Variants in SEL1L observed in about 807,000 individuals in gnomAD.
The protein encoded by SEL1L is protein sel-1 homolog 1.
Under a neutral mutation model 109.8 loss-of-function variants are expected in SEL1L, and 52 were observed. That is an observed-to-expected ratio of 0.47 (90% CI 0.38 to 0.60). The LOEUF (loss-of-function observed/expected upper bound fraction) is 0.60. Among genes scored for constraint, SEL1L ranks in the 20% least tolerant of loss-of-function variants. The pLI is 0.00. For missense variants in SEL1L, 749 were observed against 962.2 expected (o/e 0.78, Z 2.93); for synonymous variants, 373 against 339.6 (o/e 1.10, Z -1.08).
At chr14:81,508,366 T>C (rs1884325416) in intron 3 of SEL1L, among the ~76,000 whole-genome samples, 1 of 152,034 alleles carries the variant, frequency 6.6e-6, no homozygotes, top group Admixed American at 6.6e-5. Context: ...AGCAACAACT[T>C]CAGAGGAGTC....
At chr14:81,529,943 C>G (rs937683923) in intron 1 of SEL1L, among the ~76,000 whole-genome samples, 6 of 152,120 alleles carry the variant, frequency 3.9e-5, no homozygotes, top group Non-Finnish European at 5.9e-5. Context: ...TATCAAGCAA[C>G]AAGAAAAAAA....
At chr14:81,477,303 A>ATGTATGTG in intron 20 of SEL1L, 122 bp from the exon 21 acceptor site, 1 of 540,552 alleles carries the variant, frequency 1.8e-6, no homozygotes, top group Non-Finnish European at 3.3e-6. Context: ...ACGTTTTGCA[A>ATGTATGTG]TGTGTGTGTG....
chr14:81,485,236 T>C (rs1903481112), intron 18 of SEL1L, among the ~76,000 whole-genome samples: 1 of 152,154 alleles, frequency 6.6e-6, no homozygotes, highest in South Asian at 2.1e-4. Context: ...TAAATACCAA[T>C]AATATGCAAA....
chr14:81,526,422 A>G (rs990787184), intron 3 of SEL1L, among the ~76,000 whole-genome samples: 6 of 152,184 alleles, frequency 3.9e-5, no homozygotes, highest in African/African-American at 7.2e-5. Flanking sequence ...CTACCCTGAC[A>G]TATTATTTTT....
chr14:81,528,195 G>A (rs58708216), intron 1 of SEL1L, among the ~76,000 whole-genome samples: 11,349 of 152,098 alleles, frequency 0.075, 1,377 homozygotes, highest in African/African-American at 0.25. Context: ...ATTAGTATTT[G>A]TATTGTTTAC....
intron 1 of SEL1L, among the ~76,000 whole-genome samples, chr14:81,531,028 C>T (rs1255304221): frequency 1.3e-5 from 2 of 152,178 alleles, no homozygotes; most frequent in Non-Finnish European, 2.9e-5. Flanking sequence ...ATAAATGGAA[C>T]TTGCAGGATT....
intron 3 of SEL1L, among the ~76,000 whole-genome samples, chr14:81,521,138 T>G (rs1457851376): frequency 6.6e-6 from 1 of 152,196 alleles, no homozygotes; most frequent in African/African-American, 2.4e-5. Flanking sequence ...CTGTAATATT[T>G]AATTTGAACT....
intron 3 of SEL1L, among the ~76,000 whole-genome samples, chr14:81,520,667 T>C (rs1018914816): frequency 3.3e-5 from 5 of 152,238 alleles, no homozygotes; most frequent in Non-Finnish European, 5.9e-5. Context: ...CTTAGAAATA[T>C]GGTAAAGAGA....
At chr14:81,503,212 G>A (rs549012826) in intron 5 of SEL1L, among the ~76,000 whole-genome samples, 48 of 152,192 alleles carry the variant, frequency 3.2e-4, no homozygotes, top group African/African-American at 1.2e-3. Context: ...GGCTGATCTC[G>A]AACTCCTGGT....
intron 10 of SEL1L, 90 bp from the exon 11 acceptor site, chr14:81,495,227 A>T: frequency 8.4e-7 from 1 of 1,184,524 alleles, no homozygotes; most frequent in South Asian, 1.3e-5. Flanking sequence ...TGGTCGTAAA[A>T]TGGCTTCTGT....
chr14:81,508,679 C>T (rs1334197014), intron 3 of SEL1L, among the ~76,000 whole-genome samples: 2 of 151,980 alleles, frequency 1.3e-5, no homozygotes, highest in Non-Finnish European at 2.9e-5. Context: ...ACCTGGGAGG[C>T]GGAGGTTGCA....
chr14:81,477,733 A>C (rs1903211986), intron 20 of SEL1L, among the ~76,000 whole-genome samples: 1 of 152,210 alleles, frequency 6.6e-6, no homozygotes, highest in Non-Finnish European at 1.5e-5. Context: ...GAATTGCCTG[A>C]ACCCAGGAGG....
chr14:81,487,745 T>C, intron 15 of SEL1L, 110 bp downstream of exon 15: 1 of 1,536,476 alleles, frequency 6.5e-7, no homozygotes, highest in Non-Finnish European at 8.7e-7. Context: ...GGGAGAACAT[T>C]TAACCAGCCA....
At position 81,498,455 on chromosome 14, in the gene SEL1L, A is replaced by G; in HGVS notation, c.931T>C (p.Cys311Arg). Residue 311 changes from cysteine (C) to arginine (R), a missense_variant, in exon 9 of 21, where the codon TGT (cysteine) becomes CGT (arginine). This residue lies in a region of SEL1L where 366 missense variants were observed against 399.8 expected (regional missense o/e 0.92). Transcript: ENST00000336735. Reference protein sequence around the residue: ...YWAGIGVLQSCESALTHYRLV... With the variant: ...YWAGIGVLQSRESALTHYRLV... The stretch of plus-strand genomic sequence containing the variant: ...CGATAGTGAGTCAGGGCAGATTCAC[A>G]ACTCTGGAGGACGCCGATGCCAGCC... 1 of 1,614,098 alleles carries G rather than the reference A, an allele frequency of 6.2e-7. No individual in the cohort carries two copies. Among genetic ancestry groups the G allele is most frequent in the Non-Finnish European group, 8.5e-7 (1 of 1,179,988 alleles).
chr14:81,492,444 TG>T, intron 12 of SEL1L, 35 bp downstream of exon 12: 2 of 1,419,338 alleles, frequency 1.4e-6, no homozygotes, highest in Non-Finnish European at 2.0e-6. Flanking sequence ...AAACACCTCT[TG>T]CTATTACATA....
intron 3 of SEL1L, among the ~76,000 whole-genome samples, chr14:81,522,760 A>C (rs1281382492): frequency 1.3e-5 from 2 of 152,202 alleles, no homozygotes; most frequent in Non-Finnish European, 2.9e-5. Context: ...AGATAAAATG[A>C]CGTAGTACTT....
chr14:81,500,546 T>C (rs1347291184), intron 6 of SEL1L, among the ~76,000 whole-genome samples: 1 of 152,094 alleles, frequency 6.6e-6, no homozygotes, highest in Non-Finnish European at 1.5e-5. Flanking sequence ...AAATGTAACT[T>C]TAAACAAGAC....
At chr14:81,519,732 A>C (rs1383846817) in intron 3 of SEL1L, among the ~76,000 whole-genome samples, 2 of 150,228 alleles carry the variant, frequency 1.3e-5, no homozygotes, top group African/African-American at 5.1e-5. Context: ...TTCAGGAACC[A>C]CTTCAGAAAG....
At chr14:81,508,521 C>A (rs779582861) in intron 3 of SEL1L, among the ~76,000 whole-genome samples, 1 of 151,950 alleles carries the variant, frequency 6.6e-6, no homozygotes, top group African/African-American at 2.4e-5. Context: ...CTGAGGTGGG[C>A]AGATCACTTG....
Sources: allele counts gnomAD v4.1 joint callset (sites outside exome capture counted in the v4.1 genomes callset), GRCh38; gene constraint gnomAD v4.1.1; regional missense constraint gnomAD v4.1.1; transcripts MANE v1.5; gene names NCBI Gene and HGNC (gene_info 2026-07-23, HGNC 2026-07-21).